MYT1: variants seen among roughly 807,000 people sequenced by gnomAD.
The protein encoded by MYT1 is myelin transcription factor I.
Under a neutral mutation model 123.0 loss-of-function variants are expected in MYT1, and 23 were observed. The ratio of observed to expected loss-of-function variants is 0.19; its 90% CI spans 0.13 to 0.26. The LOEUF (loss-of-function observed/expected upper bound fraction) is 0.26, where lower values mean the gene tolerates loss of function less well. Among genes scored for constraint, MYT1 ranks in the 10% least tolerant of loss-of-function variants. MYT1 has a pLI of 1.00. For missense variants in MYT1, 1,125 were observed against 1,472.5 expected (o/e 0.76, Z 3.86); for synonymous variants, 518 against 575.3 (o/e 0.90, Z 1.43).
chr20:64,171,409 C>T (rs568636144), intron 1 of MYT1, among the ~76,000 whole-genome samples: 52 of 152,324 alleles, frequency 3.4e-4, no homozygotes, highest in African/African-American at 1.1e-3. Context: ...TCGGGGAATC[C>T]GTTCCAGGAC....
Position 64,198,885 on chromosome 20 carries a change from G to A in MYT1, c.24G>A (p.Lys8=). MSLENED[K]RARTRSKALR... The stretch of plus-strand genomic sequence containing the variant: ...AGATGAGCTTAGAAAATGAAGACAA[G>A]CGAGCTCGCACCCGATCCAAGGCCC... Residue 8 remains lysine (K), a synonymous_variant, in exon 3 of 23, where the codon AAG becomes AAA. Transcript: ENST00000328439. 3 of 1,614,144 alleles carry A rather than the reference G, an allele frequency of 1.9e-6. No homozygotes were observed. Among genetic ancestry groups the A allele is most frequent in the Middle Eastern group, 3.3e-4 (2 of 6,062 alleles).
In MYT1 at chr20:64,208,003, G is replaced by A. The variant is rs755625082; in HGVS notation, c.807G>A (p.Glu269=). The A allele has an allele frequency of 4.0e-6, 6 of 1,518,484 alleles. No homozygotes were observed. Among genetic ancestry groups the A allele is most frequent in the African/African-American group, 1.4e-5 (1 of 70,304 alleles). The allele number at this position is 1,518,484 out of a possible 1,614,324, so 94.1% of individuals were successfully genotyped here. Reference sequence around the variant, plus strand: ...ACGAGGAGGAGGAGGAGGAGGAAGAGGAGGAGGAGGAGGATGAAGAAGAGG... The same window carrying A: ...ACGAGGAGGAGGAGGAGGAGGAAGAAGAGGAGGAGGAGGATGAAGAAGAGG... ...EEDEEEEEEE[E]EEEEDEEEEE... is the part of the protein sequence containing the mutation. The change falls in exon 7 of 23, where the codon GAG becomes GAA. Residue 269 remains glutamate (E), a synonymous_variant. Coordinates refer to ENST00000328439, the MANE Select transcript of MYT1 (RefSeq NM_004535.3). The surrounding 1 kb of genome is among the most constrained non-coding windows in gnomAD (Gnocchi z 5.4).
Position 64,189,564 on chromosome 20 carries a change from G to A in MYT1, c.-98-499G>A, listed in dbSNP as rs930815709. On this transcript the variant is annotated intron_variant, in intron 1 of 22. Coordinates refer to ENST00000328439, the MANE Select transcript of MYT1 (RefSeq NM_004535.3). The surrounding 1 kb of genome is among the most constrained non-coding windows in gnomAD (Gnocchi z 5.5). ...CAAAGCTGATTTGAGACCATGGGTG[G>A]ATCTCACTTTCTTCAATCAATGGGC... Among the ~76,000 whole-genome samples the A allele has an allele frequency of 6.6e-6, 1 of 152,218 alleles. No individual in the cohort carries two copies. The highest frequency in any genetic ancestry group is 6.5e-5 in the Admixed American group (1 of 15,286).
At chr20:64,216,898 C>T (rs905192004) in intron 10 of MYT1, among the ~76,000 whole-genome samples, 169 bp from the exon 11 acceptor site, 4 of 152,236 alleles carry the variant, frequency 2.6e-5, no homozygotes, top group Admixed American at 1.3e-4. Context: ...GGAGGTGGAA[C>T]TCTGCCCAGC....
At chr20:64,181,164 T>C (rs937993388) in intron 1 of MYT1, among the ~76,000 whole-genome samples, 43 of 152,170 alleles carry the variant, frequency 2.8e-4, no homozygotes, top group Non-Finnish European at 8.8e-5. Flanking sequence ...TTTCTATTCC[T>C]GGTGTTTTAA....
At chr20:64,169,297 C>T (rs1335686816) in intron 1 of MYT1, among the ~76,000 whole-genome samples, 1 of 152,356 alleles carries the variant, frequency 6.6e-6, no homozygotes, top group East Asian at 1.9e-4. Context: ...CTGGGGTGGC[C>T]TCCCAGTGAG....
chr20:64,196,310 G>T lies in MYT1; in HGVS notation c.1-2552G>T, dbSNP rs1382202448. ...CCAGGGATCACCAAGGTGAGCCTGGGTGGTGCTGGGCACAGGGCCGCCCCC... is the reference window on the plus strand; with the variant it reads ...CCAGGGATCACCAAGGTGAGCCTGGTTGGTGCTGGGCACAGGGCCGCCCCC... On this transcript the variant is annotated intron_variant, in intron 2 of 22. Transcript: ENST00000328439. This position sits in a 1 kb window ranked among gnomAD's most constrained non-coding sequence, Gnocchi z 4.3. 1.3e-5 allele frequency among the ~76,000 whole-genome samples: 2 copies of T among 152,236 alleles called. No individual in the cohort carries two copies. Among genetic ancestry groups the T allele is most frequent in the Non-Finnish European group, 2.9e-5 (2 of 68,042 alleles).
intron 19 of MYT1, among the ~76,000 whole-genome samples, chr20:64,236,209 G>T (rs1336170421): frequency 7.4e-6 from 1 of 135,678 alleles, no homozygotes; most frequent in Non-Finnish European, 1.6e-5. Context: ...GGGTGACCCT[G>T]GGCTGGCTGT....
chr20:64,235,362 G>A, intron 19 of MYT1, among the ~76,000 whole-genome samples: 1 of 133,858 alleles, frequency 7.5e-6, no homozygotes, highest in Non-Finnish European at 1.6e-5. Context: ...GATGGCCGTT[G>A]TGGGTGACAC....
rs770991405 is a variant in MYT1 at position 64,239,812 on chromosome 20, T to C, written c.3146T>C (p.Ile1049Thr). 1.2e-6 allele frequency: 2 copies of C among 1,613,966 alleles called. No homozygotes were observed. The highest frequency in any genetic ancestry group is 1.7e-6 in the Non-Finnish European group (2 of 1,180,010). The change falls in exon 22 of 23, where the codon ATT becomes ACT. Residue 1049 changes from isoleucine to threonine, a missense_variant. Physicochemically the swap from Ile to Thr is moderately conservative, Grantham distance 89 (BLOSUM62 -1). This residue lies in a region of MYT1 where 243 missense variants were observed against 323.1 expected (regional missense o/e 0.75). Coordinates refer to ENST00000328439, the MANE Select transcript of MYT1 (RefSeq NM_004535.3). ...LKNIEEENKL[I>T]EEQNEALFLE... Reference sequence around the variant, plus strand: ...AACATCGAGGAGGAGAACAAGCTCATTGAGGAGCAGAATGAAGCCCTGTTT... The same window carrying C: ...AACATCGAGGAGGAGAACAAGCTCACTGAGGAGCAGAATGAAGCCCTGTTT...
At position 64,188,826 on chromosome 20, in the gene MYT1, C is replaced by A. The variant is rs912011457; in HGVS notation, c.-98-1237C>A. ...TCACTAGTCCAGGCACCGGAGCCTG[C>A]GGTGGGAGCCCTGTCATCTCAGCGA... On this transcript the variant is annotated intron_variant, in intron 1 of 22. Transcript: ENST00000328439. Among the ~76,000 whole-genome samples, 4 of 152,304 alleles carry A rather than the reference C, an allele frequency of 2.6e-5. No individual in the cohort carries two copies. The South Asian group carries it at 8.3e-4, about 32-fold the overall frequency.
At chr20:64,197,601 C>T (rs1301624363) in intron 2 of MYT1, among the ~76,000 whole-genome samples, 3 of 152,246 alleles carry the variant, frequency 2.0e-5, no homozygotes, top group Non-Finnish European at 4.4e-5. Flanking sequence ...TTGGGCCTCC[C>T]CTGTCCGGCT....
Position 64,208,691 on chromosome 20 carries a change from G to A in MYT1, c.1291+204G>A, listed in dbSNP as rs1983575435. On this transcript the variant is annotated intron_variant, in intron 7 of 22. Transcript: ENST00000328439. The surrounding 1 kb of genome is among the most constrained non-coding windows in gnomAD (Gnocchi z 5.4). Reference sequence around the variant, plus strand: ...TGCTTTACATAGAGCGATCTGGAGCGAGACACAGCGGAGACGTGTGAGAAA... The same window carrying A: ...TGCTTTACATAGAGCGATCTGGAGCAAGACACAGCGGAGACGTGTGAGAAA... Among the ~76,000 whole-genome samples, 1 of 148,840 alleles carries A rather than the reference G, an allele frequency of 6.7e-6. No individual in the cohort carries two copies. The highest frequency in any genetic ancestry group is 1.5e-5 in the Non-Finnish European group (1 of 66,494).
Position 64,218,702 on chromosome 20 carries a change from G to T in MYT1, c.1847-209G>T. 1.5e-6 allele frequency: 1 copy of T among 661,314 alleles called. No individual in the cohort carries two copies. Among genetic ancestry groups the T allele is most frequent in the Non-Finnish European group, 2.6e-6 (1 of 379,596 alleles). 41.0% of individuals were successfully genotyped at this position (661,314 alleles called of 1,614,324 possible). A position where few individuals can be genotyped will look rare whatever the true frequency, so the allele number is the denominator to read the frequency against. On this transcript the variant is annotated intron_variant, in intron 11 of 22. Transcript: ENST00000328439. This position sits in a 1 kb window ranked among gnomAD's most constrained non-coding sequence, Gnocchi z 4.0. ...ACTGGGACGGGTGGCCAAGCCCCTG[G>T]CCCACTTCGATATAGCTGTGCCCTG...
intron 21 of MYT1, among the ~76,000 whole-genome samples, chr20:64,239,265 G>A (rs1984641386): frequency 6.6e-6 from 1 of 152,202 alleles, no homozygotes; most frequent in Admixed American, 6.5e-5. Flanking sequence ...GATTTCTGGT[G>A]AGGGGAAGAC....
intron 18 of MYT1, among the ~76,000 whole-genome samples, chr20:64,230,680 T>C (rs1228655669): frequency 6.6e-6 from 1 of 152,230 alleles, no homozygotes; most frequent in African/African-American, 2.4e-5. Context: ...AGAGGGGGGC[T>C]GGACATTGAA....
chr20:64,167,999 C>A lies in MYT1; in HGVS notation c.-99+3260C>A, dbSNP rs907889283. Among the ~76,000 whole-genome samples the A allele has an allele frequency of 1.3e-5, 2 of 152,236 alleles. No homozygotes were observed. The highest frequency in any genetic ancestry group is 2.4e-5 in the African/African-American group (1 of 41,458). On this transcript the variant is annotated intron_variant, in intron 1 of 22. Coordinates refer to ENST00000328439, the MANE Select transcript of MYT1 (RefSeq NM_004535.3). This position sits in a 1 kb window ranked among gnomAD's most constrained non-coding sequence, Gnocchi z 6.3. ...CTCTTTGGGGACTGCGGGACCCATC[C>A]CCGCTCCAGGACAGCCCCACTGGGG...
At chr20:64,205,865 T>C in intron 6 of MYT1, 65 bp downstream of exon 6, 1 of 1,579,098 alleles carries the variant, frequency 6.3e-7, no homozygotes, top group Non-Finnish European at 8.6e-7. Flanking sequence ...AATTGCAGCC[T>C]GTGAGCGGGG....
rs1313910763 is a variant in MYT1 at position 64,168,055 on chromosome 20, G to C, written c.-99+3316G>C. Among the ~76,000 whole-genome samples, 1 of 152,202 alleles carries C rather than the reference G, an allele frequency of 6.6e-6. No homozygotes were observed. The highest frequency in any genetic ancestry group is 1.5e-5 in the Non-Finnish European group (1 of 68,034). ...ACTGCCCAGCCCGGAGTGTCTGCTGGAGGCCTGGGGGGTGGAATGTGCTTT... is the reference window on the plus strand; with the variant it reads ...ACTGCCCAGCCCGGAGTGTCTGCTGCAGGCCTGGGGGGTGGAATGTGCTTT... On this transcript the variant is annotated intron_variant, in intron 1 of 22. Transcript: ENST00000328439. This position sits in a 1 kb window ranked among gnomAD's most constrained non-coding sequence, Gnocchi z 6.1.
Sources: gnomAD v4.1 joint callset for allele counts (sites outside exome capture counted in the v4.1 genomes callset) on GRCh38, gnomAD v4.1.1 for gene constraint, gnomAD v4.1.1 regional missense constraint, Gnocchi (gnomAD v3.1) non-coding constraint, MANE v1.5 for transcripts, NCBI Gene and HGNC (gene_info 2026-07-23, HGNC 2026-07-21) for gene names.